AKAP13: variants seen among roughly 807,000 people sequenced by gnomAD.
AKAP13 encodes the protein A-kinase anchor protein 13.
In AKAP13, 80 loss-of-function variants were observed where a neutral mutation model predicts 264.5. That is an observed-to-expected ratio of 0.30 (90% CI 0.25 to 0.36). The LOEUF is 0.36. Ranked by LOEUF, AKAP13 falls within the 10% of genes least tolerant of loss-of-function variation. AKAP13 has a pLI of 1.00. For synonymous variants in AKAP13, 1,380 were observed against 1,250.2 expected (o/e 1.10, Z -2.19); for missense variants, 3,712 against 3,435.2 (o/e 1.08, Z -2.01).
chr15:85,697,518 G>A (rs1044181715), intron 17 of AKAP13, among the ~76,000 whole-genome samples: 1 of 152,146 alleles, frequency 6.6e-6, no homozygotes, highest in African/African-American at 2.4e-5. Flanking sequence ...GCAGTGAGCT[G>A]AGGTCGCGCC....
intron 17 of AKAP13, among the ~76,000 whole-genome samples, chr15:85,697,393 A>G (rs534388519): frequency 3.7e-4 from 56 of 152,248 alleles, no homozygotes; most frequent in Admixed American, 1.2e-3. Context: ...ACATGGTGAA[A>G]CCCCGTCTCT....
chr15:85,660,352 C>CAAA lies in AKAP13; in HGVS notation c.4799+1787_4799+1789dup, dbSNP rs35636118. 6.0e-4 allele frequency among the ~76,000 whole-genome samples: 41 copies of CAAA among 68,560 alleles called. 2 individuals carry two copies. The highest frequency in any genetic ancestry group is 1.7e-3 in the East Asian group (3 of 1,720). 45.0% of individuals were successfully genotyped at this position (68,560 alleles called of 152,430 possible). A position where few individuals can be genotyped will look rare whatever the true frequency, so the allele number is the denominator to read the frequency against. Reference sequence around the variant, plus strand: ...TGGGTGACAGAGTGAATCTAAGTCTCAAAAAAAAAAAAAAAAAAAAAAAAA... The same window carrying CAAA: ...TGGGTGACAGAGTGAATCTAAGTCTCAAAAAAAAAAAAAAAAAAAAAAAAAAAA... On this transcript the variant is annotated intron_variant, in intron 12 of 36. Coordinates refer to ENST00000394518, the MANE Select transcript of AKAP13 (RefSeq NM_007200.5).
At chr15:85,646,685 G>C (rs989061720) in intron 10 of AKAP13, among the ~76,000 whole-genome samples, 4 of 152,174 alleles carry the variant, frequency 2.6e-5, no homozygotes, top group Non-Finnish European at 5.9e-5. Flanking sequence ...GCTTCCTGCT[G>C]AGTGTGGTCA....
In AKAP13 at chr15:85,473,473, C is replaced by T. The variant is rs141152838; in HGVS notation, c.-11-12237C>T. 4.1e-3 allele frequency among the ~76,000 whole-genome samples: 623 copies of T among 152,318 alleles called. 7 individuals are homozygous for T. Among genetic ancestry groups the T allele is most frequent in the Non-Finnish European group, 4.0e-3 (271 of 68,034 alleles). On this transcript the variant is annotated intron_variant, in intron 1 of 36. Coordinates refer to ENST00000394518, the MANE Select transcript of AKAP13 (RefSeq NM_007200.5). ...GTCCAAATAAACCCTCCAGAGAATG[C>T]TGAGACCTTGGCTTTCTGATTCTCC...
At position 85,676,896 on chromosome 15, in the gene AKAP13, A is replaced by G. The variant is rs531835368; in HGVS notation, c.5102-5262A>G. On this transcript the variant is annotated intron_variant, in intron 14 of 36. Transcript: ENST00000394518. Reference sequence around the variant, plus strand: ...TCCCGGAACCGCATAGGCCATTGACATTATGCTGTTTCCCCATGTGCTGAA... The same window carrying G: ...TCCCGGAACCGCATAGGCCATTGACGTTATGCTGTTTCCCCATGTGCTGAA... 3.7e-5 allele frequency: 36 copies of G among 973,468 alleles called. No individual in the cohort carries two copies. The African/African-American group carries it at 6.0e-4, about 16-fold the overall frequency. 60.3% of individuals were successfully genotyped at this position (973,468 alleles called of 1,614,324 possible). A position where few individuals can be genotyped will look rare whatever the true frequency, so the allele number is the denominator to read the frequency against.
Position 85,735,044 on chromosome 15 carries a change from G to C in AKAP13, c.7335G>C (p.Pro2445=). The C allele has an allele frequency of 6.2e-7, 1 of 1,614,166 alleles. No homozygotes were observed. Residue 2445 remains proline (P), a synonymous_variant, in exon 31 of 37, where the codon CCG becomes CCC. Coordinates refer to ENST00000394518, the MANE Select transcript of AKAP13 (RefSeq NM_007200.5). ...VSGNLGGTLG[P]TVSSPIEQDV... is the part of the protein sequence containing the mutation. ...GAAATCTGGGAGGCACACTTGGGCC[G>C]ACTGTCAGCAGCCCCATTGAGCAAG... is the stretch of plus-strand genomic sequence containing the variant.
intron 8 of AKAP13, among the ~76,000 whole-genome samples, chr15:85,621,784 C>T (rs890827452): frequency 6.6e-6 from 1 of 152,006 alleles, no homozygotes; most frequent in African/African-American, 2.4e-5. Flanking sequence ...AGGGTTTTCT[C>T]GAGCATGGTA....
chr15:85,648,035 T>TA (rs2082637201), intron 10 of AKAP13, among the ~76,000 whole-genome samples: 1 of 151,946 alleles, frequency 6.6e-6, no homozygotes, highest in Non-Finnish European at 1.5e-5. Flanking sequence ...ATTTTTTTTT[T>TA]AATAATATCA....
chr15:85,414,131 T>C (rs1276656582), intron 1 of AKAP13, among the ~76,000 whole-genome samples: 1 of 152,202 alleles, frequency 6.6e-6, no homozygotes, highest in East Asian at 1.9e-4. Flanking sequence ...TTCTCCGATG[T>C]TCATACTGTC....
At chr15:85,670,959 A>AT (rs2083893767) in intron 14 of AKAP13, 1 of 151,840 alleles carries the variant, frequency 6.6e-6, no homozygotes, top group Non-Finnish European at 1.5e-5. Flanking sequence ...GAGAAGCCTC[A>AT]TTTTTTATTT....
intron 17 of AKAP13, among the ~76,000 whole-genome samples, chr15:85,696,712 A>AT (rs2085583956): frequency 6.6e-6 from 1 of 152,200 alleles, no homozygotes; most frequent in African/African-American, 2.4e-5. Context: ...AATAAAATCT[A>AT]TTTTTTAAAA....
At chr15:85,386,535 C>A (rs990184857) in intron 1 of AKAP13, among the ~76,000 whole-genome samples, 2 of 150,440 alleles carry the variant, frequency 1.3e-5, no homozygotes, top group African/African-American at 4.9e-5. Context: ...GTGAGCCACC[C>A]ACCGCAGCCT....
intron 12 of AKAP13, among the ~76,000 whole-genome samples, chr15:85,659,151 A>G (rs980847017): frequency 3.3e-5 from 5 of 152,242 alleles, no homozygotes; most frequent in African/African-American, 1.2e-4. Flanking sequence ...GAATTCCTTA[A>G]TTAGTATTTG....
In AKAP13 at chr15:85,740,532, G is replaced by T. The variant is rs1308974601; in HGVS notation, c.7608+260G>T. The T allele has an allele frequency of 6.3e-6, 3 of 476,838 alleles. No individual in the cohort carries two copies. The East Asian group carries it at 9.7e-5, about 15-fold the overall frequency. 29.5% of individuals were successfully genotyped at this position (476,838 alleles called of 1,614,324 possible). A position where few individuals can be genotyped will look rare whatever the true frequency, so the allele number is the denominator to read the frequency against. ...TCACATAGCATGCTAACATGCATCT[G>T]GGAGATTACTTCACTTTAGAAAGCC... On this transcript the variant is annotated intron_variant, in intron 34 of 36. Coordinates refer to ENST00000394518, the MANE Select transcript of AKAP13 (RefSeq NM_007200.5).
At chr15:85,409,756 G>T (rs923189341) in intron 1 of AKAP13, among the ~76,000 whole-genome samples, 1 of 149,730 alleles carries the variant, frequency 6.7e-6, no homozygotes, top group East Asian at 2.0e-4. Flanking sequence ...TCAGCCTCCC[G>T]AGTAGCTGGG....
At chr15:85,644,876 A>G (rs1033500800) in intron 9 of AKAP13, among the ~76,000 whole-genome samples, 1 of 152,000 alleles carries the variant, frequency 6.6e-6, no homozygotes, top group African/African-American at 2.4e-5. Flanking sequence ...CCATCCACAA[A>G]TCTCTTTAAC....
chr15:85,442,409 CA>C (rs756585021), intron 1 of AKAP13, among the ~76,000 whole-genome samples: 12,222 of 52,594 alleles, frequency 0.23, 1,040 homozygotes, highest in East Asian at 0.36. Context: ...GATTCTGTCT[CA>C]AAAAAAAAAA....
At chr15:85,603,078 G>C (rs1242685599) in intron 8 of AKAP13, among the ~76,000 whole-genome samples, 7 of 152,192 alleles carry the variant, frequency 4.6e-5, no homozygotes, top group Non-Finnish European at 1.5e-5. Context: ...TGTTTCCCTT[G>C]AGAAGCAGGT....
rs142377221 is a variant in AKAP13, at chr15:85,692,433, G to C, written c.5290-844G>C. ...CCATTTGACAAATGAGAAAACTAAG[G>C]CTCAGAGAAATAATTTACCTAGGGT... is the stretch of plus-strand genomic sequence containing the variant. On this transcript the variant is annotated intron_variant, in intron 16 of 36. Coordinates refer to ENST00000394518, the MANE Select transcript of AKAP13 (RefSeq NM_007200.5). Among the ~76,000 whole-genome samples, 120 of 152,162 alleles carry C rather than the reference G, an allele frequency of 7.9e-4. 1 individual carries two copies. Among genetic ancestry groups the C allele is most frequent in the Non-Finnish European group, 3.5e-4 (24 of 68,012 alleles).
Sources: allele counts gnomAD v4.1 joint callset (sites outside exome capture counted in the v4.1 genomes callset), GRCh38; gene constraint gnomAD v4.1.1; transcripts MANE v1.5; gene names NCBI Gene and HGNC (gene_info 2026-07-23, HGNC 2026-07-21).